Variants in UBAP2 observed in about 807,000 individuals in gnomAD.
UBAP2 encodes ubiquitin associated protein 2, also known as ubiquitin-associated protein 2.
A neutral mutation model predicts 139.6 loss-of-function variants in UBAP2; 75 were observed. That is an observed-to-expected ratio of 0.54 (90% CI 0.45 to 0.65). The LOEUF (loss-of-function observed/expected upper bound fraction) is 0.65. Ranked by LOEUF, UBAP2 falls within the 30% of genes least tolerant of loss-of-function variation. The pLI, the probability that UBAP2 is intolerant of heterozygous loss-of-function variation, is 0.00. For synonymous variants in UBAP2, 526 were observed against 526.2 expected, an observed-to-expected ratio of 1.00 and a Z score of 0.01; for missense variants, 1,368 against 1,369.6, an observed-to-expected ratio of 1.00 and a Z score of 0.02.
intron 2 of UBAP2, among the ~76,000 whole-genome samples, chr9:34,009,978 T>C (rs1470116579): frequency 6.6e-6 from 1 of 151,396 alleles, no homozygotes; most frequent in Admixed American, 6.6e-5. Flanking sequence ...TGGCTAATTC[T>C]GTATGTTTAG....
chr9:34,043,759 G>A (rs147439213), intron 1 of UBAP2, among the ~76,000 whole-genome samples: 262 of 150,906 alleles, frequency 1.7e-3, no homozygotes, highest in African/African-American at 4.8e-3. Flanking sequence ...CTCCCAAAGC[G>A]TTGGAATTAC....
chr9:33,943,656 A>T, intron 14 of UBAP2, 67 bp from the exon 15 acceptor site: 4 of 1,490,914 alleles, frequency 2.7e-6, no homozygotes, highest in Non-Finnish European at 3.6e-6. Flanking sequence ...GGCCTATAAC[A>T]GAGCCAAACA....
chr9:34,030,886 C>T (rs1461299370), intron 1 of UBAP2, among the ~76,000 whole-genome samples: 1 of 151,956 alleles, frequency 6.6e-6, no homozygotes, highest in African/African-American at 2.4e-5. Context: ...GCCAAGATCG[C>T]ACCACTGCAC....
chr9:34,005,596 T>A (rs1823136930), intron 2 of UBAP2, among the ~76,000 whole-genome samples: 1 of 152,078 alleles, frequency 6.6e-6, no homozygotes, highest in South Asian at 2.1e-4. Flanking sequence ...AACTTAACAA[T>A]TAATGTCTCA....
rs930433846 is a variant in UBAP2 at position 34,040,563 on chromosome 9, T to C, written c.-42+8262A>G. On this transcript the variant is annotated intron_variant, in intron 1 of 28. Transcript: ENST00000379238. ...GAGTTCACGACCAGCCCAGCCAACA[T>C]AGCGATACACTCTAATTAATTAAAA... 6.6e-5 allele frequency among the ~76,000 whole-genome samples: 10 copies of C among 152,104 alleles called. No individual in the cohort carries two copies. The South Asian group carries it at 1.0e-3, about 16-fold the overall frequency.
intron 1 of UBAP2, among the ~76,000 whole-genome samples, chr9:34,019,386 G>C (rs747265457): frequency 2.6e-5 from 4 of 152,102 alleles, no homozygotes; most frequent in Non-Finnish European, 4.4e-5. Context: ...CTGGGCGACA[G>C]AGCAAAACTC....
At chr9:33,937,500 G>A (rs1410736006) in intron 16 of UBAP2, among the ~76,000 whole-genome samples, 4 of 150,858 alleles carry the variant, frequency 2.7e-5, no homozygotes, top group Non-Finnish European at 4.4e-5. Context: ...CTAGCTAGTC[G>A]GGAGGCTGAG....
chr9:33,947,919 TAA>T (rs1825773148), intron 13 of UBAP2, among the ~76,000 whole-genome samples: 1 of 136,420 alleles, frequency 7.3e-6, no homozygotes, highest in Non-Finnish European at 1.5e-5. Flanking sequence ...AGGCTGAGAT[TAA>T]AAGACTGCTT....
At chr9:34,001,336 G>T (rs986575474) in intron 2 of UBAP2, among the ~76,000 whole-genome samples, 6 of 152,176 alleles carry the variant, frequency 3.9e-5, no homozygotes, top group African/African-American at 1.2e-4. Flanking sequence ...CACAAAGAAG[G>T]TTGGGAGTTT....
intron 1 of UBAP2, among the ~76,000 whole-genome samples, chr9:34,036,684 G>A (rs958336151): frequency 3.3e-5 from 5 of 152,032 alleles, no homozygotes; most frequent in African/African-American, 1.2e-4. Context: ...TCGTTCAAGT[G>A]AACACCTATA....
At chr9:33,924,564 G>A (rs560487587) in intron 22 of UBAP2, among the ~76,000 whole-genome samples, 55 of 152,372 alleles carry the variant, frequency 3.6e-4, no homozygotes, top group Admixed American at 7.8e-4. Flanking sequence ...CCACAGGCAG[G>A]TGCTTGTGTG....
chr9:34,038,143 G>GGAA (rs1436196061), intron 1 of UBAP2, among the ~76,000 whole-genome samples: 1 of 127,248 alleles, frequency 7.9e-6, no homozygotes, highest in Non-Finnish European at 1.6e-5. Context: ...TCCAGCCTGG[G>GGAA]AAAAAAAAAA....
intron 18 of UBAP2, among the ~76,000 whole-genome samples, chr9:33,933,155 C>A (rs1054281297): frequency 6.6e-6 from 1 of 152,160 alleles, no homozygotes; most frequent in Non-Finnish European, 1.5e-5. Flanking sequence ...ATTCTCATTC[C>A]ACCTCAGTGA....
chr9:33,963,402 C>T (rs993238163), intron 9 of UBAP2, among the ~76,000 whole-genome samples: 1 of 152,192 alleles, frequency 6.6e-6, no homozygotes, highest in Non-Finnish European at 1.5e-5. Context: ...AAAACTTCAA[C>T]AATCCTTATT....
chr9:33,943,551 A>G lies in UBAP2; in HGVS notation c.1584T>C (p.Asp528=), dbSNP rs1825412268. Residue 528 remains aspartate (D), a synonymous_variant, in exon 15 of 29, where the codon GAT becomes GAC. Coordinates refer to ENST00000379238, the MANE Select transcript of UBAP2 (RefSeq NM_001370062.2). ...CAAACTGCACATTTAATCCTGTGACATCTGCTGAACCAGGCATTTCCACTG... is the reference window on the plus strand; with the variant it reads ...CAAACTGCACATTTAATCCTGTGACGTCTGCTGAACCAGGCATTTCCACTG... The part of the protein sequence containing the change: ...ASAVEMPGSA[D]VTGLNVQFGA... The G allele has an allele frequency of 6.2e-7, 1 of 1,614,180 alleles. No homozygotes were observed. The highest frequency in any genetic ancestry group is 8.5e-7 in the Non-Finnish European group (1 of 1,180,024).
rs74584297 is a variant in UBAP2, at chr9:33,954,387, C to A, written c.867-913G>T. On this transcript the variant is annotated intron_variant, in intron 11 of 28. Coordinates refer to ENST00000379238, the MANE Select transcript of UBAP2 (RefSeq NM_001370062.2). ...ACTGTTAACCAGAACTCTTAAAACA[C>A]CCCCCAGACAGATATTCCAATTTGG... Among the ~76,000 whole-genome samples the A allele has an allele frequency of 1.1e-4, 16 of 151,912 alleles. No homozygotes were observed. The East Asian group carries it at 3.1e-3, about 29-fold the overall frequency.
In UBAP2 at chr9:33,956,159, T is replaced by C. The variant is rs762001708; in HGVS notation, c.799-13A>G. ...TTGTTTCAGAAAGCTGTATGGAAAG[T>C]TGAAAAATTTAATCTTATTCTACAT... On this transcript the variant is annotated splice_polypyrimidine_tract_variant and intron_variant, in intron 10 of 28. Coordinates refer to ENST00000379238, the MANE Select transcript of UBAP2 (RefSeq NM_001370062.2). The C allele has an allele frequency of 3.7e-6, 6 of 1,610,236 alleles. No homozygotes were observed. The highest frequency in any genetic ancestry group is 4.5e-5 in the East Asian group (2 of 44,836).
At chr9:33,939,677 C>T (rs1824917423) in intron 16 of UBAP2, among the ~76,000 whole-genome samples, 2 of 141,110 alleles carry the variant, frequency 1.4e-5, no homozygotes, top group South Asian at 4.8e-4. Context: ...TGTGATCACA[C>T]CACTGCACTT....
intron 2 of UBAP2, among the ~76,000 whole-genome samples, chr9:34,010,709 A>G (rs867707989): frequency 6.6e-6 from 1 of 152,154 alleles, no homozygotes; most frequent in African/African-American, 2.4e-5. Context: ...ACAGAAAAGG[A>G]GTACAGGCGG....
Sources: gnomAD v4.1 joint callset for allele counts (sites outside exome capture counted in the v4.1 genomes callset) on GRCh38, gnomAD v4.1.1 for gene constraint, MANE v1.5 for transcripts, NCBI Gene and HGNC (gene_info 2026-07-23, HGNC 2026-07-21) for gene names.